Variants in RTL4 observed in about 807,000 individuals in gnomAD.
RTL4 encodes the protein retrotransposon Gag-like protein 4.
RTL4 carries 4 observed loss-of-function variants against 5.3 expected under a neutral mutation model. The observed-to-expected ratio is 0.75, with a 90% CI of 0.37 to 1.72. The LOEUF (loss-of-function observed/expected upper bound fraction) is 1.72, where lower values mean the gene tolerates loss of function less well. Among genes scored for constraint, RTL4 ranks in the 40% most tolerant of loss-of-function variants. The probability of loss-of-function intolerance (pLI) is 0.04; values close to 1 mark genes in which losing one functional copy is unlikely to be tolerated. For missense variants in RTL4, 260 were observed against 227.1 expected, an observed-to-expected ratio of 1.14 and a Z score of -0.93; for synonymous variants, 98 against 87.3, an observed-to-expected ratio of 1.12 and a Z score of -0.68.
At chrX:112,262,521 G>A in the RTL4 span, among the ~76,000 whole-genome samples, 5 of 111,927 alleles carry the variant, frequency 4.5e-5, no homozygotes, top group South Asian at 3.8e-4. Flanking sequence ...TTACAATGGC[G>A]ATTATTAAAA....
At chrX:112,137,394 C>T in the RTL4 span, among the ~76,000 whole-genome samples, 1 of 112,012 alleles carries the variant, frequency 8.9e-6, no homozygotes, top group African/African-American at 3.2e-5. Flanking sequence ...GGTTAACTGA[C>T]TCACAGTTCT....
At chrX:112,157,636 G>A in the RTL4 span, among the ~76,000 whole-genome samples, 1 of 111,852 alleles carries the variant, frequency 8.9e-6, no homozygotes, top group Non-Finnish European at 1.9e-5. Context: ...ATCCTAGTGA[G>A]CACTGCATTC....
At chrX:112,429,207 C>T in the RTL4 span, among the ~76,000 whole-genome samples, 8 of 111,079 alleles carry the variant, frequency 7.2e-5, no homozygotes, top group African/African-American at 2.6e-4. Flanking sequence ...TTTTATTGCC[C>T]GTGTTCTTTG....
chrX:112,218,195 A>G, the RTL4 span, among the ~76,000 whole-genome samples: 1 of 112,156 alleles, frequency 8.9e-6, no homozygotes, highest in East Asian at 2.8e-4. Context: ...TTTGGTAGGG[A>G]CAAAAGTGAA....
chrX:112,102,290 G>A, the RTL4 span, among the ~76,000 whole-genome samples: 49 of 111,113 alleles, frequency 4.4e-4, no homozygotes, highest in Non-Finnish European at 7.8e-4. Context: ...CAAAGCCTGT[G>A]GTCTAAATCA....
chrX:112,429,201 A>G, the RTL4 span, among the ~76,000 whole-genome samples: 3 of 110,606 alleles, frequency 2.7e-5, no homozygotes, highest in African/African-American at 9.8e-5. Context: ...TTTTCTTTTT[A>G]TTGCCCGTGT....
At chrX:112,325,829 T>C in the RTL4 span, among the ~76,000 whole-genome samples, 9 of 112,088 alleles carry the variant, frequency 8.0e-5, no homozygotes, top group South Asian at 3.7e-4. Context: ...AGAGCTTCTG[T>C]ACAGCAAAAG....
chrX:112,321,273 C>G, the RTL4 span, among the ~76,000 whole-genome samples: 273 of 111,946 alleles, frequency 2.4e-3, 1 homozygote, highest in African/African-American at 8.5e-3. Flanking sequence ...CTAGGTGGCT[C>G]ATACCTGTAA....
the RTL4 span, among the ~76,000 whole-genome samples, chrX:112,407,017 C>T: frequency 4.5e-5 from 5 of 109,930 alleles, no homozygotes; most frequent in Non-Finnish European, 7.6e-5. Context: ...GATACTACAT[C>T]GAGGGCCTTG....
the RTL4 span, among the ~76,000 whole-genome samples, chrX:112,320,964 A>G: frequency 9.0e-6 from 1 of 111,562 alleles, no homozygotes; most frequent in Non-Finnish European, 1.9e-5. Context: ...GATAATGGTT[A>G]TTATAGACTC....
At chrX:112,134,094 G>T in the RTL4 span, among the ~76,000 whole-genome samples, 1 of 112,310 alleles carries the variant, frequency 8.9e-6, no homozygotes, top group Middle Eastern at 4.2e-3. Context: ...CTTCTTTTTA[G>T]TTGTGGAGTG....
At chrX:112,242,730 A>G in the RTL4 span, among the ~76,000 whole-genome samples, 2 of 111,627 alleles carry the variant, frequency 1.8e-5, no homozygotes, top group South Asian at 7.6e-4. Flanking sequence ...TTCCAACACC[A>G]TGTTGAATAG....
chrX:112,323,915 T>C, the RTL4 span, among the ~76,000 whole-genome samples: 1 of 112,492 alleles, frequency 8.9e-6, no homozygotes, highest in Admixed American at 9.5e-5. Flanking sequence ...ATGATTGTAC[T>C]ATTAATATTT....
the RTL4 span, among the ~76,000 whole-genome samples, chrX:112,194,963 C>T: frequency 3.6e-5 from 4 of 111,912 alleles, no homozygotes; most frequent in African/African-American, 1.3e-4. Flanking sequence ...GAAGATAAAG[C>T]ATGCCAAACA....
the RTL4 span, among the ~76,000 whole-genome samples, chrX:112,250,958 C>A: frequency 3.6e-5 from 4 of 111,664 alleles, no homozygotes; most frequent in African/African-American, 1.3e-4. Context: ...ATTATCTTGG[C>A]AAAAATATAA....
exon 1 of RTL4, chrX:112,455,563 T>C (rs775641467): frequency 5.8e-6 from 7 of 1,209,869 alleles, no homozygotes; most frequent in African/African-American, 3.5e-5. Flanking sequence ...AGAAACTCAG[T>C]TGTGCCTCTA....
chrX:112,343,625 G>C, the RTL4 span, among the ~76,000 whole-genome samples: 2 of 111,988 alleles, frequency 1.8e-5, no homozygotes, highest in Non-Finnish European at 3.8e-5. Flanking sequence ...ATCTCCAAGA[G>C]GAAATTGCAG....
the RTL4 span, among the ~76,000 whole-genome samples, chrX:112,252,637 A>G: frequency 9.0e-6 from 1 of 110,807 alleles, no homozygotes; most frequent in Admixed American, 9.6e-5. Flanking sequence ...TGCTGCCCAA[A>G]TCGTCTGGCT....
At chrX:112,086,699 A>G in the RTL4 span, among the ~76,000 whole-genome samples, 1 of 112,302 alleles carries the variant, frequency 8.9e-6, no homozygotes, top group Admixed American at 9.4e-5. Context: ...ACGTATATAT[A>G]TAGCAACATG....
Sources: allele counts gnomAD v4.1 joint callset (sites outside exome capture counted in the v4.1 genomes callset), GRCh38; gene constraint gnomAD v4.1.1; transcripts MANE v1.5; gene names NCBI Gene and HGNC (gene_info 2026-07-23, HGNC 2026-07-21).